The following IL1RAPL1 variants were observed in gnomAD, a reference collection of about 807,000 sequenced individuals.
The protein encoded by IL1RAPL1 is interleukin-1 receptor accessory protein-like 1.
IL1RAPL1 carries 3 observed loss-of-function variants against 48.4 expected under a neutral mutation model. The observed-to-expected ratio is 0.06, with a 90% CI of 0.03 to 0.16. IL1RAPL1 has a LOEUF of 0.16. Ranked by LOEUF, IL1RAPL1 falls within the 10% of genes least tolerant of loss-of-function variation. IL1RAPL1 has a pLI of 1.00. For synonymous variants in IL1RAPL1, 185 were observed against 187.7 expected, an observed-to-expected ratio of 0.99 and a Z score of 0.12; for missense variants, 349 against 530.6, an observed-to-expected ratio of 0.66 and a Z score of 3.36.
At chrX:28,928,899 A>G (rs777899694) in intron 2 of IL1RAPL1, among the ~76,000 whole-genome samples, 1 of 112,235 alleles carries the variant, frequency 8.9e-6, no homozygotes, top group Non-Finnish European at 1.9e-5. Context: ...CTTTGTATGA[A>G]TTAAATAAGG....
intron 2 of IL1RAPL1, among the ~76,000 whole-genome samples, chrX:28,907,910 T>C (rs1482701291): frequency 1.8e-5 from 2 of 112,193 alleles, no homozygotes; most frequent in East Asian, 5.6e-4. Flanking sequence ...TAATTCATTG[T>C]ATTTAATAGA....
chrX:29,441,763 A>G (rs1157165556), intron 5 of IL1RAPL1, among the ~76,000 whole-genome samples: 1 of 112,152 alleles, frequency 8.9e-6, no homozygotes, highest in African/African-American at 3.2e-5. Context: ...TCTCTTATAC[A>G]GTTTCTGCCA....
intron 6 of IL1RAPL1, among the ~76,000 whole-genome samples, chrX:29,818,656 C>T (rs1930546249): frequency 8.9e-6 from 1 of 111,876 alleles, no homozygotes; most frequent in East Asian, 2.8e-4. Context: ...CTCTCAGTGG[C>T]ATCACTGAGA....
At chrX:29,333,410 C>T (rs1182076053) in intron 3 of IL1RAPL1, among the ~76,000 whole-genome samples, 10 of 87,492 alleles carry the variant, frequency 1.1e-4, no homozygotes, top group Non-Finnish European at 9.4e-5. Flanking sequence ...GGGGGGCTGA[C>T]CCCCCCACCT....
intron 5 of IL1RAPL1, among the ~76,000 whole-genome samples, chrX:29,482,343 A>G (rs1935049912): frequency 9.0e-6 from 1 of 111,717 alleles, no homozygotes; most frequent in African/African-American, 3.3e-5. Flanking sequence ...TGTGACCTTG[A>G]TTCATTTTCT....
intron 2 of IL1RAPL1, among the ~76,000 whole-genome samples, chrX:29,194,902 G>A (rs1277881527): frequency 1.8e-5 from 2 of 110,034 alleles, no homozygotes; most frequent in Non-Finnish European, 3.8e-5. Flanking sequence ...CCTTGAAGTG[G>A]GTCTTCCAGT....
intron 2 of IL1RAPL1, among the ~76,000 whole-genome samples, chrX:29,276,094 C>G (rs1315811876): frequency 8.9e-6 from 1 of 111,842 alleles, no homozygotes; most frequent in Non-Finnish European, 1.9e-5. Context: ...ACAGGCCTTC[C>G]CTGTGAGGCT....
chrX:28,644,101 G>GT (rs1030289528), intron 1 of IL1RAPL1, among the ~76,000 whole-genome samples: 13 of 109,220 alleles, frequency 1.2e-4, no homozygotes, highest in African/African-American at 4.4e-4. Flanking sequence ...CAGAAAATAA[G>GT]TTTTTTTCTC....
At chrX:29,050,552 T>G (rs1927070963) in intron 2 of IL1RAPL1, among the ~76,000 whole-genome samples, 2 of 112,388 alleles carry the variant, frequency 1.8e-5, no homozygotes, top group African/African-American at 6.5e-5. Flanking sequence ...CACTCAACTG[T>G]GAAGCAGGAA....
chrX:29,164,552 C>G (rs1929748635), intron 2 of IL1RAPL1, among the ~76,000 whole-genome samples: 1 of 111,381 alleles, frequency 9.0e-6, no homozygotes, highest in African/African-American at 3.3e-5. Flanking sequence ...CAATATTTCA[C>G]TCATTCATGT....
chrX:29,099,032 A>T, intron 2 of IL1RAPL1, among the ~76,000 whole-genome samples: 1 of 110,785 alleles, frequency 9.0e-6, no homozygotes, highest in Non-Finnish European at 1.9e-5. Flanking sequence ...GGCGCCTGTA[A>T]TCCCAGCTAC....
At chrX:29,006,428 C>T (rs1417068609) in intron 2 of IL1RAPL1, among the ~76,000 whole-genome samples, 1 of 108,370 alleles carries the variant, frequency 9.2e-6, no homozygotes, top group African/African-American at 3.4e-5. Context: ...GCAGGAGAAT[C>T]ACCTGAACCT....
At chrX:28,982,448 C>A (rs1925365774) in intron 2 of IL1RAPL1, among the ~76,000 whole-genome samples, 1 of 112,065 alleles carries the variant, frequency 8.9e-6, no homozygotes, top group Non-Finnish European at 1.9e-5. Flanking sequence ...GAATGTAAAG[C>A]ACTTAGAATA....
chrX:29,263,859 CT>C lies in IL1RAPL1; in HGVS notation c.83-19078del, dbSNP rs1478247455. 9.2e-4 allele frequency among the ~76,000 whole-genome samples: 24 copies of C among 26,190 alleles called. No homozygotes were observed. In the South Asian group the frequency reaches 0.029, roughly 32 times the overall value. The allele number at this position is 26,190 out of a possible 115,157, so 22.7% of individuals were successfully genotyped here. A position where few individuals can be genotyped will look rare whatever the true frequency, so the allele number is the denominator to read the frequency against. ...TCTCTCTCTCTCTTTCTCTCTCTCT[CT>C]CCCCCCCCCCCGCTCTCATAGAGCA... On this transcript the variant is annotated intron_variant, in intron 2 of 10. Transcript: ENST00000378993.
At chrX:29,051,485 A>G (rs1296783964) in intron 2 of IL1RAPL1, among the ~76,000 whole-genome samples, 1 of 112,262 alleles carries the variant, frequency 8.9e-6, no homozygotes, top group Non-Finnish European at 1.9e-5. Context: ...ATTTTCTCTT[A>G]TGAAAACTAT....
intron 1 of IL1RAPL1, among the ~76,000 whole-genome samples, chrX:28,658,413 C>T (rs1433807762): frequency 9.0e-6 from 1 of 111,505 alleles, no homozygotes; most frequent in African/African-American, 3.3e-5. Flanking sequence ...AACGGGGTTT[C>T]ACCATGGTGA....
rs901254293 is a variant in IL1RAPL1 at position 29,487,047 on chromosome X, G to A, written c.703+87739G>A. On this transcript the variant is annotated intron_variant, in intron 5 of 10. Coordinates refer to ENST00000378993, the MANE Select transcript of IL1RAPL1 (RefSeq NM_014271.4). ...GATTCGTAGACCACACTTTTGAGTA[G>A]CGAGGGGCTAAAACATACACAATAA... Among the ~76,000 whole-genome samples, 3 of 73,768 alleles carry A rather than the reference G, an allele frequency of 4.1e-5. No homozygotes were observed. The South Asian group carries it at 2.6e-3, about 65-fold the overall frequency. 64.1% of individuals were successfully genotyped at this position (73,768 alleles called of 115,157 possible). A position where few individuals can be genotyped will look rare whatever the true frequency, so the allele number is the denominator to read the frequency against.
chrX:29,080,239 C>A lies in IL1RAPL1; in HGVS notation c.83-202699C>A, dbSNP rs760999383. 5.5e-5 allele frequency among the ~76,000 whole-genome samples: 6 copies of A among 108,969 alleles called. No homozygotes were observed. In the East Asian group the frequency reaches 8.7e-4, roughly 16 times the overall value. 94.6% of individuals were successfully genotyped at this position (108,969 alleles called of 115,157 possible). The stretch of plus-strand genomic sequence containing the variant: ...CCATCTCTACAAAAAATTAGTTGAC[C>A]GTGGTGGTGCATGCCTGTGATCCCA... On this transcript the variant is annotated intron_variant, in intron 2 of 10. Transcript: ENST00000378993.
intron 2 of IL1RAPL1, among the ~76,000 whole-genome samples, chrX:28,979,235 G>A (rs918753118): frequency 1.8e-5 from 2 of 111,888 alleles, no homozygotes; most frequent in Non-Finnish European, 3.8e-5. Flanking sequence ...CAGGTAGTGA[G>A]GGAATGATAC....
Sources: allele counts gnomAD v4.1 joint callset (sites outside exome capture counted in the v4.1 genomes callset), GRCh38; gene constraint gnomAD v4.1.1; transcripts MANE v1.5; gene names NCBI Gene and HGNC (gene_info 2026-07-23, HGNC 2026-07-21).